The following TRAF3 variants were observed in gnomAD, a reference collection of about 807,000 sequenced individuals.
TRAF3 encodes TNF receptor associated factor 3.
A neutral mutation model predicts 62.3 loss-of-function variants in TRAF3; 13 were observed. The observed-to-expected ratio is 0.21, with a 90% CI of 0.14 to 0.33. The LOEUF (loss-of-function observed/expected upper bound fraction) is 0.33. Ranked by LOEUF, TRAF3 falls within the 10% of genes least tolerant of loss-of-function variation. TRAF3 has a pLI of 1.00. For missense variants in TRAF3, 440 were observed against 741.8 expected, an observed-to-expected ratio of 0.59 and a Z score of 4.73; for synonymous variants, 269 against 283.4, an observed-to-expected ratio of 0.95 and a Z score of 0.51.
At chr14:102,887,526 T>C (rs1004486302) in intron 7 of TRAF3, among the ~76,000 whole-genome samples, 14 of 152,170 alleles carry the variant, frequency 9.2e-5, no homozygotes, top group African/African-American at 3.4e-4. Flanking sequence ...TAGGGAAAAA[T>C]AAATGTAAAT....
chr14:102,781,662 T>C (rs767438435), intron 1 of TRAF3, among the ~76,000 whole-genome samples: 2 of 152,174 alleles, frequency 1.3e-5, no homozygotes, highest in Non-Finnish European at 2.9e-5. Flanking sequence ...GGGCTCACTC[T>C]GTTGCCCACG....
At chr14:102,786,129 C>G (rs554890960) in intron 1 of TRAF3, among the ~76,000 whole-genome samples, 1 of 152,256 alleles carries the variant, frequency 6.6e-6, no homozygotes, top group East Asian at 1.9e-4. Flanking sequence ...GCTTTGAATT[C>G]TGGTCTGTCC....
intron 6 of TRAF3, among the ~76,000 whole-genome samples, chr14:102,884,909 G>A (rs557432544): frequency 1.3e-5 from 2 of 152,174 alleles, no homozygotes; most frequent in Admixed American, 1.3e-4. Flanking sequence ...CTATCAGATT[G>A]CCAAAGATTG....
At chr14:102,842,932 G>A (rs1293210165) in intron 2 of TRAF3, among the ~76,000 whole-genome samples, 1 of 152,102 alleles carries the variant, frequency 6.6e-6, no homozygotes, top group East Asian at 1.9e-4. Context: ...TTTAGGCCAG[G>A]CATGGTAGCT....
chr14:102,881,276 C>T (rs1455966463), intron 6 of TRAF3, among the ~76,000 whole-genome samples: 2 of 151,632 alleles, frequency 1.3e-5, no homozygotes, highest in Non-Finnish European at 2.9e-5. Flanking sequence ...CCCAGCTACT[C>T]GGGAGACTGA....
chr14:102,788,596 A>G (rs1897620738), intron 1 of TRAF3, among the ~76,000 whole-genome samples: 1 of 152,122 alleles, frequency 6.6e-6, no homozygotes. Flanking sequence ...TCAAGAGATC[A>G]AGACCATCCT....
In TRAF3 at chr14:102,851,774, G is replaced by A. The variant is rs546192627; in HGVS notation, c.-17-18411G>A. Among the ~76,000 whole-genome samples, 11 of 152,160 alleles carry A rather than the reference G, an allele frequency of 7.2e-5. 3 individuals carry two copies. Among genetic ancestry groups the A allele is most frequent in the African/African-American group, 2.4e-4 (10 of 41,540 alleles). On this transcript the variant is annotated intron_variant, in intron 2 of 11. Transcript: ENST00000392745. The stretch of plus-strand genomic sequence containing the variant: ...AAAAGAAATTATCATCACAGGCCTC[G>A]TGGGTGGTTCGTGTAAGAGGCTGAG...
intron 2 of TRAF3, among the ~76,000 whole-genome samples, chr14:102,844,486 C>G (rs1001917590): frequency 1.3e-5 from 2 of 152,122 alleles, no homozygotes; most frequent in African/African-American, 4.8e-5. Flanking sequence ...CAGAGATGAG[C>G]CAACTCTGGG....
chr14:102,813,482 ACT>A (rs1479098724), intron 1 of TRAF3, among the ~76,000 whole-genome samples: 1 of 141,212 alleles, frequency 7.1e-6, no homozygotes, highest in Non-Finnish European at 1.5e-5. Context: ...ACGGAGTCTC[ACT>A]CTGTCACCCA....
chr14:102,820,834 A>G (rs1899938559), intron 1 of TRAF3, among the ~76,000 whole-genome samples: 1 of 151,048 alleles, frequency 6.6e-6, no homozygotes, highest in Admixed American at 6.6e-5. Flanking sequence ...GGGTCTCACT[A>G]TGTTGACTAG....
intron 1 of TRAF3, among the ~76,000 whole-genome samples, chr14:102,825,035 C>G (rs1900215529): frequency 6.6e-6 from 1 of 152,216 alleles, no homozygotes; most frequent in African/African-American, 2.4e-5. Flanking sequence ...TTACTCCTTT[C>G]TTAGACAAGG....
rs147773512 is a variant in TRAF3, at chr14:102,840,622, A to G, written c.-18+10150A>G. ...GGCTTGGCAAGACACCATTATCGAT[A>G]TTATATATAAAACTTTGGTATTTTG... is the stretch of plus-strand genomic sequence containing the variant. On this transcript the variant is annotated intron_variant, in intron 2 of 11. Coordinates refer to ENST00000392745, the MANE Select transcript of TRAF3 (RefSeq NM_145725.3). Among the ~76,000 whole-genome samples the G allele has an allele frequency of 7.7e-4, 117 of 152,276 alleles. 2 individuals are homozygous for G. The East Asian group carries it at 0.014, about 18-fold the overall frequency.
At chr14:102,844,968 G>A (rs766396504) in intron 2 of TRAF3, among the ~76,000 whole-genome samples, 12 of 152,030 alleles carry the variant, frequency 7.9e-5, no homozygotes, top group Non-Finnish European at 1.3e-4. Context: ...TGCAATTTTG[G>A]CTCACTGCAA....
intron 2 of TRAF3, among the ~76,000 whole-genome samples, chr14:102,850,033 A>T (rs541227159): frequency 6.1e-4 from 93 of 152,224 alleles, no homozygotes; most frequent in Middle Eastern, 6.8e-3. Flanking sequence ...CTCTTGGAGC[A>T]CCCTTTTGTC....
chr14:102,888,278 A>G (rs973400412), intron 7 of TRAF3, among the ~76,000 whole-genome samples: 116 of 152,310 alleles, frequency 7.6e-4, no homozygotes, highest in African/African-American at 2.6e-3. Flanking sequence ...CGCTTCCTGC[A>G]GGGGCAGCCG....
intron 8 of TRAF3, among the ~76,000 whole-genome samples, chr14:102,890,431 GA>G (rs2139939417): frequency 6.6e-6 from 1 of 152,360 alleles, no homozygotes; most frequent in African/African-American, 2.4e-5. Flanking sequence ...CAAAGAGTAA[GA>G]ATGACTGTGC....
intron 6 of TRAF3, among the ~76,000 whole-genome samples, chr14:102,878,129 A>G (rs1380418433): frequency 6.6e-6 from 1 of 152,222 alleles, no homozygotes; most frequent in African/African-American, 2.4e-5. Flanking sequence ...CAAAAAAGGT[A>G]AAATTTTTAT....
chr14:102,870,512 T>G, intron 3 of TRAF3, 66 bp downstream of exon 3: 1 of 1,585,480 alleles, frequency 6.3e-7, no homozygotes, highest in South Asian at 1.1e-5. Flanking sequence ...CTCTCCTTCA[T>G]TCGTTTCTCT....
At position 102,826,165 on chromosome 14, in the gene TRAF3, G is replaced by C. The variant is rs147028616; in HGVS notation, c.-156-4169G>C. ...GTTTTGGGTATCTACAAAAGCAGAA[G>C]GGGAGGTTAGGATGTGGCTGGAGGA... On this transcript the variant is annotated intron_variant, in intron 1 of 11. Transcript: ENST00000392745. This position sits in a 1 kb window ranked among gnomAD's most constrained non-coding sequence, Gnocchi z 4.6. Among the ~76,000 whole-genome samples the C allele has an allele frequency of 7.7e-4, 117 of 152,310 alleles. 1 individual carries two copies. In the East Asian group the frequency reaches 0.012, roughly 15 times the overall value.
Sources: gnomAD v4.1 joint callset for allele counts (sites outside exome capture counted in the v4.1 genomes callset) on GRCh38, gnomAD v4.1.1 for gene constraint, Gnocchi (gnomAD v3.1) non-coding constraint, MANE v1.5 for transcripts, NCBI Gene and HGNC (gene_info 2026-07-23, HGNC 2026-07-21) for gene names.